The following ANKRD24 variants were observed in gnomAD, a reference collection of about 807,000 sequenced individuals.
ANKRD24 encodes ankyrin repeat domain 24, also known as ankyrin repeat domain-containing protein 24.
In ANKRD24, 109 loss-of-function variants were observed where a neutral mutation model predicts 127.8. That is an observed-to-expected ratio of 0.85 (90% CI 0.73 to 1.00). The LOEUF is 1.00. Ranked by LOEUF, ANKRD24 falls within the 50% of genes least tolerant of loss-of-function variation. The pLI is 0.00. For synonymous variants in ANKRD24, 743 were observed against 671.1 expected, an observed-to-expected ratio of 1.11 and a Z score of -1.66; for missense variants, 1,648 against 1,570.2, an observed-to-expected ratio of 1.05 and a Z score of -0.84.
intron 10 of ANKRD24, among the ~76,000 whole-genome samples, chr19:4,208,218 C>A (rs953777607): frequency 1.3e-5 from 2 of 151,952 alleles, no homozygotes; most frequent in African/African-American, 2.4e-5. Flanking sequence ...AGAAGGGCAC[C>A]CCCTGCTGGG....
Position 4,210,130 on chromosome 19 carries a change from C to G in ANKRD24, c.943C>G (p.Pro315Ala). The G allele has an allele frequency of 1.2e-6, 2 of 1,608,894 alleles. No homozygotes were observed. The highest frequency in any genetic ancestry group is 1.7e-6 in the Non-Finnish European group (2 of 1,177,922). Residue 315 changes from proline to alanine, a missense_variant, in exon 12 of 22, where the codon CCC becomes GCC. Transcript: ENST00000318934. ...RKAPPPPASIPMPDDRDAYEE... is the reference protein window; with the variant it reads ...RKAPPPPASIAMPDDRDAYEE... ...GGCGCCTCCACCTCCCGCCAGCATTCCCATGCCGGTGAGAGATGCTCTGGG... is the reference window on the plus strand; with the variant it reads ...GGCGCCTCCACCTCCCGCCAGCATTGCCATGCCGGTGAGAGATGCTCTGGG...
At chr19:4,215,602 GAAAA>G (rs35812357) in intron 15 of ANKRD24, among the ~76,000 whole-genome samples, 1 of 135,456 alleles carries the variant, frequency 7.4e-6, no homozygotes, top group Non-Finnish European at 1.5e-5. Context: ...CCGCATCTCT[GAAAA>G]AAAAAAAAAA....
intron 5 of ANKRD24, among the ~76,000 whole-genome samples, chr19:4,201,729 A>G (rs1441872323): frequency 6.6e-6 from 1 of 152,050 alleles, no homozygotes; most frequent in East Asian, 1.9e-4. Context: ...TACAGAAAAT[A>G]CAAATAAATT....
chr19:4,219,347 G>T (rs1970317670), intron 18 of ANKRD24, among the ~76,000 whole-genome samples: 1 of 151,970 alleles, frequency 6.6e-6, no homozygotes, highest in Non-Finnish European at 1.5e-5. Flanking sequence ...GGCACCTGTG[G>T]TCCCAGCTAC....
rs925703699 is a variant in ANKRD24, at chr19:4,207,186, G to T, written c.467-56G>T. On this transcript the variant is annotated intron_variant, in intron 7 of 21. Transcript: ENST00000318934. ...CGAACCTCCTGCCTTGGCCTCCCAAGGTGCTGGGATTACAGGGTTGAGCTA... is the reference window on the plus strand; with the variant it reads ...CGAACCTCCTGCCTTGGCCTCCCAATGTGCTGGGATTACAGGGTTGAGCTA... 3 of 1,531,512 alleles carry T rather than the reference G, an allele frequency of 2.0e-6. No homozygotes were observed. The African/African-American group carries it at 4.1e-5, about 21-fold the overall frequency. 94.9% of individuals were successfully genotyped at this position (1,531,512 alleles called of 1,614,324 possible). A position where few individuals can be genotyped will look rare whatever the true frequency, so the allele number is the denominator to read the frequency against.
In ANKRD24 at chr19:4,199,359, A is replaced by G; in HGVS notation, c.37-324A>G. The stretch of plus-strand genomic sequence containing the variant: ...AGCCTCCCAAGCAGCTACAGGCATG[A>G]GCCACCATGCCCCGCTGATGATTTT... On this transcript the variant is annotated intron_variant, in intron 2 of 21. Transcript: ENST00000318934. This position sits in a 1 kb window ranked among gnomAD's most constrained non-coding sequence, Gnocchi z 5.2. 3.2e-6 allele frequency: 1 copy of G among 312,692 alleles called. No homozygotes were observed. Among genetic ancestry groups the G allele is most frequent in the Non-Finnish European group, 4.6e-6 (1 of 215,262 alleles). The allele number at this position is 312,692 out of a possible 1,614,324, so 19.4% of individuals were successfully genotyped here. A position where few individuals can be genotyped will look rare whatever the true frequency, so the allele number is the denominator to read the frequency against.
intron 19 of ANKRD24, among the ~76,000 whole-genome samples, chr19:4,221,816 T>C (rs879713873): frequency 6.6e-6 from 1 of 152,148 alleles, no homozygotes; most frequent in Admixed American, 6.6e-5. Context: ...ACTGTGGACA[T>C]AGGAGCGGGA....
intron 16 of ANKRD24, 112 bp downstream of exon 16, chr19:4,216,162 C>A (rs1395246431): frequency 7.1e-7 from 1 of 1,402,462 alleles, no homozygotes; most frequent in Non-Finnish European, 9.8e-7. Context: ...TTGTACTCAT[C>A]CGTTTTTTAA....
intron 15 of ANKRD24, among the ~76,000 whole-genome samples, chr19:4,215,096 C>G (rs1969982196): frequency 6.6e-6 from 1 of 152,222 alleles, no homozygotes; most frequent in Admixed American, 6.5e-5. Flanking sequence ...GGCCAGGAAG[C>G]TGGGGGATGC....
At chr19:4,207,002 C>A (rs748888421) in intron 7 of ANKRD24, 28 of 562,862 alleles carry the variant, frequency 5.0e-5, no homozygotes, top group Non-Finnish European at 3.2e-6. Flanking sequence ...AACTCCTGAG[C>A]TCAAGCGGTC....
At chr19:4,187,036 G>A (rs1298661553) in intron 2 of ANKRD24, among the ~76,000 whole-genome samples, 2 of 152,160 alleles carry the variant, frequency 1.3e-5, no homozygotes, top group Non-Finnish European at 2.9e-5. Flanking sequence ...GAAGCATTCA[G>A]GGCAGGGGAG....
chr19:4,217,118 A>C lies in ANKRD24; in HGVS notation c.1958A>C (p.Gln653Pro), dbSNP rs767260309. ...ACAAAAGCAGAGGAAGCAGAAATGCAGGCCTACGGAGTGGGTGCTGGGCAA... is the reference window on the plus strand; with the variant it reads ...ACAAAAGCAGAGGAAGCAGAAATGCCGGCCTACGGAGTGGGTGCTGGGCAA... The part of the protein sequence containing the change: ...TKTKAEEAEM[Q>P]AYGVGAGQAE... The change falls in exon 18 of 22, where the codon CAG becomes CCG. Residue 653 changes from glutamine to proline, a missense_variant. Transcript: ENST00000318934. 6.2e-7 allele frequency: 1 copy of C among 1,613,766 alleles called. No homozygotes were observed. The highest frequency in any genetic ancestry group is 8.5e-7 in the Non-Finnish European group (1 of 1,179,844).
rs767864227 is a variant in ANKRD24 at position 4,210,246 on chromosome 19, G to C, written c.952-19G>C. 3.2e-6 allele frequency: 5 copies of C among 1,569,912 alleles called. No individual in the cohort carries two copies. The highest frequency in any genetic ancestry group is 4.3e-6 in the Non-Finnish European group (5 of 1,156,864). On this transcript the variant is annotated intron_variant, in intron 12 of 21. Coordinates refer to ENST00000318934, the MANE Select transcript of ANKRD24 (RefSeq NM_001393985.1). ...CAACCTTAGGCCCCATCTAAAGGCC[G>C]TGGTGGGGAGGGGAACAGGATGATC... is the stretch of plus-strand genomic sequence containing the variant.
rs372927695 is a variant in ANKRD24 at position 4,216,857 on chromosome 19, C to G, written c.1697C>G (p.Ala566Gly). The G allele has an allele frequency of 6.2e-7, 1 of 1,610,930 alleles. No homozygotes were observed. The highest frequency in any genetic ancestry group is 1.1e-5 in the South Asian group (1 of 90,430). The change falls in exon 18 of 22, where the codon GCT becomes GGT. Residue 566 changes from alanine to glycine, a missense_variant. Ala to Gly is a moderately conservative substitution (Grantham distance 60, BLOSUM62 0). Coordinates refer to ENST00000318934, the MANE Select transcript of ANKRD24 (RefSeq NM_001393985.1). The stretch of plus-strand genomic sequence containing the variant: ...GGAGCCGAGACCATAGATGAGGAGG[C>G]TGCAGGAGATGAAACCATGGAAGCC... The part of the protein sequence containing the change: ...VNGAETIDEE[A>G]AGDETMEART...
At chr19:4,192,667 A>C (rs1968451308) in intron 2 of ANKRD24, among the ~76,000 whole-genome samples, 1 of 150,580 alleles carries the variant, frequency 6.6e-6, no homozygotes, top group South Asian at 2.2e-4. Context: ...GCAGTGGCTC[A>C]CGCCTGTAAT....
chr19:4,193,171 G>A (rs1599400394), intron 2 of ANKRD24, among the ~76,000 whole-genome samples: 1 of 151,062 alleles, frequency 6.6e-6, no homozygotes, highest in South Asian at 2.1e-4. Context: ...GCGTGGTGGT[G>A]GGCACCTGTA....
At chr19:4,186,912 TC>T (rs1377267803) in intron 2 of ANKRD24, among the ~76,000 whole-genome samples, 1 of 152,032 alleles carries the variant, frequency 6.6e-6, no homozygotes, top group Non-Finnish European at 1.5e-5. Context: ...CAGGCAAAAA[TC>T]CTTGCCCTCG....
intron 15 of ANKRD24, among the ~76,000 whole-genome samples, chr19:4,213,427 TTC>T (rs1969879912): frequency 2.7e-5 from 4 of 149,706 alleles, no homozygotes; most frequent in Non-Finnish European, 4.4e-5. Flanking sequence ...TTTCCTTCCT[TTC>T]TTCTCTCTTT....
intron 7 of ANKRD24, among the ~76,000 whole-genome samples, chr19:4,206,801 A>T (rs1969411336): frequency 6.6e-6 from 1 of 152,158 alleles, no homozygotes; most frequent in South Asian, 2.1e-4. Flanking sequence ...GGCACATGGG[A>T]ATTTCTCATG....
Sources: gnomAD v4.1 joint callset for allele counts (sites outside exome capture counted in the v4.1 genomes callset) on GRCh38, gnomAD v4.1.1 for gene constraint, Gnocchi (gnomAD v3.1) non-coding constraint, MANE v1.5 for transcripts, NCBI Gene and HGNC (gene_info 2026-07-23, HGNC 2026-07-21) for gene names.